PDPK1: variants seen among roughly 807,000 people sequenced by gnomAD.
PDPK1 encodes 3-phosphoinositide dependent protein kinase 1.
A neutral mutation model predicts 39.8 loss-of-function variants in PDPK1; 7 were observed. The ratio of observed to expected loss-of-function variants is 0.18; its 90% CI spans 0.10 to 0.33. PDPK1 has a LOEUF of 0.33. Among genes scored for constraint, PDPK1 ranks in the 10% least tolerant of loss-of-function variants. PDPK1 has a pLI of 1.00. For synonymous variants in PDPK1, 118 were observed against 159.1 expected, an observed-to-expected ratio of 0.74 and a Z score of 1.95; for missense variants, 182 against 384.7, an observed-to-expected ratio of 0.47 and a Z score of 4.41.
intron 1 of PDPK1, among the ~76,000 whole-genome samples, chr16:2,547,130 G>A (rs2066364096): frequency 1.3e-5 from 2 of 149,902 alleles, no homozygotes; most frequent in Non-Finnish European, 2.9e-5. Flanking sequence ...TTGATCTGGA[G>A]AGCCGCAGCA....
At position 2,595,435 on chromosome 16, in the gene PDPK1, G is replaced by C. The variant is rs566811151; in HGVS notation, c.1344-358G>C. On this transcript the variant is annotated intron_variant, in intron 11 of 13. Transcript: ENST00000342085. ...GCGGGCAGCCACCTTTCGGGAGGCAGTTCTGCGCCTCACCACAGCTTTGTT... is the reference window on the plus strand; with the variant it reads ...GCGGGCAGCCACCTTTCGGGAGGCACTTCTGCGCCTCACCACAGCTTTGTT... Among the ~76,000 whole-genome samples, 14 of 152,276 alleles carry C rather than the reference G, an allele frequency of 9.2e-5. No homozygotes were observed. The South Asian group carries it at 2.9e-3, about 32-fold the overall frequency.
In PDPK1 at chr16:2,598,889, C is replaced by CTA. The variant is rs2067157066; in HGVS notation, c.*1123_*1124dup. On this transcript the variant is annotated 3_prime_UTR_variant, in exon 14 of 14. Transcript: ENST00000342085. ...AGTTTCTCAGAGCCCCTCAGAGCTTCTACATCTGTGCATCAGAAATCTCAC... is the reference window on the plus strand; with the variant it reads ...AGTTTCTCAGAGCCCCTCAGAGCTTCTATACATCTGTGCATCAGAAATCTCAC... 1 of 233,290 alleles carries CTA rather than the reference C, an allele frequency of 4.3e-6. No homozygotes were observed. Among genetic ancestry groups the CTA allele is most frequent in the South Asian group, 1.8e-4 (1 of 5,540 alleles). The allele number at this position is 233,290 out of a possible 1,614,324, so 14.5% of individuals were successfully genotyped here.
chr16:2,544,333 G>A (rs145011199), intron 1 of PDPK1, among the ~76,000 whole-genome samples: 1 of 152,154 alleles, frequency 6.6e-6, no homozygotes, highest in Admixed American at 6.5e-5. Flanking sequence ...GGTTTCCTGG[G>A]CCAGTGGGAT....
intron 7 of PDPK1, chr16:2,579,287 T>A (rs1433516503): frequency 1.8e-5 from 1 of 56,952 alleles, no homozygotes; most frequent in Non-Finnish European, 3.4e-5. Context: ...AGGTGGGGGG[T>A]GGGCGGGGGG....
At chr16:2,540,292 A>C (rs1358729564) in intron 1 of PDPK1, among the ~76,000 whole-genome samples, 2 of 152,240 alleles carry the variant, frequency 1.3e-5, no homozygotes, top group Non-Finnish European at 2.9e-5. Flanking sequence ...GGCCTGGCCC[A>C]GTCTGATGCT....
rs1324122446 is a variant in PDPK1 at position 2,538,842 on chromosome 16, C to T, written c.24+706C>T. On this transcript the variant is annotated intron_variant, in intron 1 of 13. Transcript: ENST00000342085. ...GTGAAATGTTTTGCTAAAAGTGTCG[C>T]TGGTGTTTCTATATTTTCTCTCTAT... 4.6e-6 allele frequency: 5 copies of T among 1,077,420 alleles called. No homozygotes were observed. The African/African-American group carries it at 6.6e-5, about 14-fold the overall frequency. The allele number at this position is 1,077,420 out of a possible 1,614,324, so 66.7% of individuals were successfully genotyped here. A position where few individuals can be genotyped will look rare whatever the true frequency, so the allele number is the denominator to read the frequency against.
intron 2 of PDPK1, among the ~76,000 whole-genome samples, chr16:2,559,837 C>T (rs986304219): frequency 2.0e-5 from 3 of 151,320 alleles, no homozygotes; most frequent in South Asian, 2.1e-4. Flanking sequence ...GGCTGTGGTC[C>T]GTGTCTTTCT....
chr16:2,556,357 ATTTTTTT>A (rs1174100741), intron 1 of PDPK1, among the ~76,000 whole-genome samples: 10 of 86,210 alleles, frequency 1.2e-4, no homozygotes, highest in South Asian at 3.6e-4. Context: ...CGCCCGGCCT[ATTTTTTT>A]TTTTTTTTTT....
chr16:2,543,790 C>T (rs12923317), intron 1 of PDPK1, among the ~76,000 whole-genome samples: 35,405 of 152,152 alleles, frequency 0.23, 5,194 homozygotes, highest in Middle Eastern at 0.35. Context: ...GGCACGATCT[C>T]GGCTCACCGC....
chr16:2,553,790 A>C (rs920290241), intron 1 of PDPK1, among the ~76,000 whole-genome samples: 3 of 150,680 alleles, frequency 2.0e-5, no homozygotes, highest in Non-Finnish European at 4.4e-5. Flanking sequence ...TGGCAGATGG[A>C]TTGGGCTGTG....
At chr16:2,544,698 C>T (rs1436278387) in intron 1 of PDPK1, among the ~76,000 whole-genome samples, 1 of 152,014 alleles carries the variant, frequency 6.6e-6, no homozygotes, top group Non-Finnish European at 1.5e-5. Flanking sequence ...ATTCTCCTGC[C>T]TCAGCCTCCC....
chr16:2,587,073 G>A (rs1457243383), intron 11 of PDPK1, among the ~76,000 whole-genome samples, 180 bp downstream of exon 11: 1 of 152,246 alleles, frequency 6.6e-6, no homozygotes, highest in African/African-American at 2.4e-5. Context: ...CGGCCCAGGG[G>A]CTGAGTGGGT....
chr16:2,538,788 G>T (rs1388039051), intron 1 of PDPK1: 1 of 1,277,824 alleles, frequency 7.8e-7, no homozygotes, highest in Non-Finnish European at 1.0e-6. Context: ...GGGATTTTAG[G>T]GGAAGGACCA....
chr16:2,596,372 T>G (rs2067102291), intron 12 of PDPK1, among the ~76,000 whole-genome samples: 1 of 152,152 alleles, frequency 6.6e-6, no homozygotes, highest in Non-Finnish European at 1.5e-5. Flanking sequence ...TTTTTTGTAT[T>G]TTTAGTAGAG....
intron 1 of PDPK1, among the ~76,000 whole-genome samples, chr16:2,540,747 A>G (rs2066229643): frequency 6.6e-6 from 1 of 152,318 alleles, no homozygotes; most frequent in Non-Finnish European, 1.5e-5. Context: ...AGAGGCTGTG[A>G]TTCGGCCTTG....
At chr16:2,590,368 T>C (rs928427283) in intron 11 of PDPK1, among the ~76,000 whole-genome samples, 8 of 152,210 alleles carry the variant, frequency 5.3e-5, no homozygotes, top group Non-Finnish European at 1.2e-4. Context: ...AATAGTCATA[T>C]CTTCACAGCA....
chr16:2,595,356 GC>G (rs890665881), intron 11 of PDPK1, among the ~76,000 whole-genome samples: 1 of 152,204 alleles, frequency 6.6e-6, no homozygotes, highest in African/African-American at 2.4e-5. Context: ...TGAATCAGGG[GC>G]CCCAGCTTGT....
In PDPK1 at chr16:2,597,625, A is replaced by T. The variant is rs775929826; in HGVS notation, c.1555-26A>T. 1.5e-5 allele frequency: 23 copies of T among 1,531,868 alleles called. No individual in the cohort carries two copies. Among genetic ancestry groups the T allele is most frequent in the Non-Finnish European group, 1.9e-5 (21 of 1,105,280 alleles). The allele number at this position is 1,531,868 out of a possible 1,614,324, so 94.9% of individuals were successfully genotyped here. On this transcript the variant is annotated intron_variant, in intron 13 of 13. Transcript: ENST00000342085. The surrounding 1 kb of genome is among the most constrained non-coding windows in gnomAD (Gnocchi z 6.3). ...GGGTTTTGGTGGGACTCCCTGGAGA[A>T]CACTAAACGGCTTCTGTCTTCGCAG... is the stretch of plus-strand genomic sequence containing the variant.
chr16:2,547,203 G>A (rs1353332333), intron 1 of PDPK1, among the ~76,000 whole-genome samples: 2 of 149,816 alleles, frequency 1.3e-5, no homozygotes, highest in Non-Finnish European at 2.9e-5. Context: ...GAAGGCTGAC[G>A]GCTGCTCATT....
Sources: allele counts gnomAD v4.1 joint callset (sites outside exome capture counted in the v4.1 genomes callset), GRCh38; gene constraint gnomAD v4.1.1; non-coding constraint Gnocchi (gnomAD v3.1); transcripts MANE v1.5; gene names NCBI Gene and HGNC (gene_info 2026-07-23, HGNC 2026-07-21).